Variants in MGAM observed in about 807,000 individuals in gnomAD.
MGAM encodes alpha-1,4-glucosidase.
MGAM carries 253 observed loss-of-function variants against 358.8 expected under a neutral mutation model. That is an observed-to-expected ratio of 0.71 (90% confidence interval 0.64 to 0.78). The LOEUF is 0.78. Ranked by LOEUF, MGAM falls within the 30% of genes least tolerant of loss-of-function variation. MGAM has a pLI of 0.00. For missense variants in MGAM, 3,080 were observed against 3,432.6 expected (o/e 0.90, Z 2.57); for synonymous variants, 1,105 against 1,227.1 (o/e 0.90, Z 2.08).
intron 60 of MGAM, among the ~76,000 whole-genome samples, chr7:142,093,822 A>G (rs1167440837): frequency 6.8e-6 from 1 of 146,152 alleles, no homozygotes; most frequent in Non-Finnish European, 1.5e-5. Context: ...CATCATAATG[A>G]TCACAGAGGG....
At chr7:142,102,545 C>A in intron 68 of MGAM, 85 bp from the exon 69 acceptor site, 2 of 1,251,024 alleles carry the variant, frequency 1.6e-6, no homozygotes, top group Non-Finnish European at 2.3e-6. Context: ...GACAAGTAGG[C>A]AATTAGAACA....
At chr7:142,032,562 T>C (rs1177913585) in intron 13 of MGAM, among the ~76,000 whole-genome samples, 8 of 152,158 alleles carry the variant, frequency 5.3e-5, no homozygotes, top group Admixed American at 2.0e-4. Context: ...ATCATATAAA[T>C]TGAAACTTTT....
chr7:142,039,046 C>T (rs912507470), intron 19 of MGAM, among the ~76,000 whole-genome samples: 12 of 151,116 alleles, frequency 7.9e-5, no homozygotes, highest in African/African-American at 2.9e-4. Context: ...TGAAGAGGAG[C>T]AGCGATGTCA....
intron 2 of MGAM, among the ~76,000 whole-genome samples, chr7:141,986,525 G>A (rs1281576478): frequency 2.0e-5 from 3 of 152,136 alleles, no homozygotes; most frequent in Admixed American, 6.5e-5. Flanking sequence ...GACAGAGACC[G>A]TACATGGCTG....
chr7:142,007,313 A>G (rs1200830549), intron 2 of MGAM, among the ~76,000 whole-genome samples: 4 of 152,032 alleles, frequency 2.6e-5, no homozygotes, highest in African/African-American at 9.7e-5. Flanking sequence ...TTGAATTTTT[A>G]TATCCTCAAA....
intron 24 of MGAM, among the ~76,000 whole-genome samples, chr7:142,052,010 AG>A (rs900208639): frequency 6.6e-5 from 10 of 152,156 alleles, no homozygotes; most frequent in African/African-American, 2.4e-4. Context: ...AAGAGGAGTC[AG>A]GGTAGAAAAG....
chr7:141,998,972 C>T (rs1460288825), intron 1 of MGAM, among the ~76,000 whole-genome samples: 1 of 152,102 alleles, frequency 6.6e-6, no homozygotes, highest in Non-Finnish European at 1.5e-5. Flanking sequence ...CCCCAACATT[C>T]CTCATTTACC....
rs1284903662 is a variant in MGAM at position 142,106,651 on chromosome 7, T to C, written c.*760T>C. On this transcript the variant is annotated 3_prime_UTR_variant, in exon 71 of 71. Transcript: ENST00000475668. ...ATTTTTGCAGTAGTGTGCTTTGAAA[T>C]GTGTAAATCTTATTTCTAATGTATA... 6.6e-6 allele frequency: 1 copy of C among 152,194 alleles called. No individual in the cohort carries two copies. The highest frequency in any genetic ancestry group is 1.5e-5 in the Non-Finnish European group (1 of 68,032). 9.4% of individuals were successfully genotyped at this position (152,194 alleles called of 1,614,324 possible). A position where few individuals can be genotyped will look rare whatever the true frequency, so the allele number is the denominator to read the frequency against.
chr7:142,040,261 T>A, intron 20 of MGAM, 90 bp downstream of exon 20: 4 of 1,059,496 alleles, frequency 3.8e-6, no homozygotes. Context: ...AACATCCATC[T>A]ACATGCTGAG....
rs200643345 is a variant in MGAM at position 142,082,122 on chromosome 7, A to G, written c.6083A>G (p.Tyr2028Cys). Residue 2028 changes from tyrosine (Y) to cysteine (C), a missense_variant, in exon 51 of 71, where the codon TAT (tyrosine) becomes TGT (cysteine). Around this residue, in one of 5 missense-constraint regions of MGAM, gnomAD observed 932 missense variants for 1,198.2 expected, o/e 0.78. Coordinates refer to ENST00000475668, the MANE Select transcript of MGAM (RefSeq NM_001365693.1). ...ISTRLPSKYL[Y>C]GFGETEHTSY... is the part of the protein sequence containing the mutation. ...ACCCGCCTTCCCTCCAAGTACCTCT[A>G]TGGCTTTGGGGAGACTGAGCACACG... is the stretch of plus-strand genomic sequence containing the variant. The G allele has an allele frequency of 5.4e-4, 839 of 1,555,360 alleles. 123 individuals carry two copies. The highest frequency in any genetic ancestry group is 3.8e-4 in the Admixed American group (22 of 58,388).
chr7:142,041,884 G>T (rs13246665), intron 21 of MGAM, among the ~76,000 whole-genome samples: 1 of 75,972 alleles, frequency 1.3e-5, no homozygotes, highest in African/African-American at 6.6e-5. Flanking sequence ...ATATATATAC[G>T]TATAATATAT....
At chr7:142,038,471 C>A in intron 18 of MGAM, 60 bp from the exon 19 acceptor site, 2 of 1,294,236 alleles carry the variant, frequency 1.5e-6, no homozygotes, top group Non-Finnish European at 2.2e-6. Flanking sequence ...GTGAGTAGAG[C>A]TGCTACAAAT....
chr7:142,081,142 C>T (rs1390094002), intron 50 of MGAM, among the ~76,000 whole-genome samples, 197 bp downstream of exon 50: 1 of 146,442 alleles, frequency 6.8e-6, no homozygotes, highest in Non-Finnish European at 1.5e-5. Flanking sequence ...GTTGAGCGTG[C>T]CTGAGGATTC....
chr7:142,015,146 T>C (rs1554455628), intron 3 of MGAM, among the ~76,000 whole-genome samples: 1 of 152,146 alleles, frequency 6.6e-6, no homozygotes, highest in Admixed American at 6.5e-5. Flanking sequence ...TTTTTCTGAA[T>C]ACTAATATTG....
chr7:142,103,359 A>G lies in MGAM; in HGVS notation c.8104A>G (p.Ser2702Gly), dbSNP rs368559734. The part of the protein sequence containing the change: ...LGYIEIWGVG[S>G]VPVTSVSISV... ...CTACATTGAAATCTGGGGAGTGGGC[A>G]GTGTCCCCGTTACCAGTGTCAGCAT... Residue 2702 changes from serine (S) to glycine (G), a missense_variant, in exon 70 of 71, where the codon AGT becomes GGT. Physicochemically the swap from Ser to Gly is moderately conservative, Grantham distance 56. Transcript: ENST00000475668. The G allele has an allele frequency of 4.3e-5, 70 of 1,613,164 alleles. No homozygotes were observed. The highest frequency in any genetic ancestry group is 5.7e-5 in the Non-Finnish European group (67 of 1,179,572).
intron 64 of MGAM, 196 bp from the exon 65 acceptor site, chr7:142,096,135 A>G (rs777112500): frequency 9.5e-6 from 6 of 631,284 alleles, no homozygotes; most frequent in African/African-American, 1.8e-5. Flanking sequence ...ACATCCCAGC[A>G]TTTCTGAAGT....
rs74732310 is a variant in MGAM, at chr7:142,095,205, C to T, written c.7458+342C>T. Among the ~76,000 whole-genome samples the T allele has an allele frequency of 3.3e-5, 5 of 152,162 alleles. No homozygotes were observed. In the South Asian group the frequency reaches 8.3e-4, roughly 25 times the overall value. On this transcript the variant is annotated intron_variant, in intron 63 of 70. Coordinates refer to ENST00000475668, the MANE Select transcript of MGAM (RefSeq NM_001365693.1). ...GTCTCGAACTCGTGGCCTCAGTCCC[C>T]GAAAGTGCTGGGATTACAGGCGTGA...
chr7:142,041,957 TAATATATATATATTATATATATATA>T lies in MGAM; in HGVS notation c.2498+1113_2498+1137del, dbSNP rs1563144981. 7.9e-3 allele frequency among the ~76,000 whole-genome samples: 161 copies of T among 20,414 alleles called. 6 individuals are homozygous for T. Among genetic ancestry groups the T allele is most frequent in the Admixed American group, 0.011 (9 of 804 alleles). The allele number at this position is 20,414 out of a possible 152,430, so 13.4% of individuals were successfully genotyped here. ...TATATATTATATATATACATATATA[TAATATATATATATTATATATATATA>T]ATATAATATATATATATTATATATA... On this transcript the variant is annotated intron_variant, in intron 21 of 70. Transcript: ENST00000475668.
chr7:141,998,332 G>T (rs1654164139), intron 1 of MGAM, among the ~76,000 whole-genome samples: 1 of 152,056 alleles, frequency 6.6e-6, no homozygotes, highest in Non-Finnish European at 1.5e-5. Flanking sequence ...GTGGTTTGCT[G>T]CACCTGTCAA....
Sources: allele counts gnomAD v4.1 joint callset (sites outside exome capture counted in the v4.1 genomes callset), GRCh38; gene constraint gnomAD v4.1.1; regional missense constraint gnomAD v4.1.1; transcripts MANE v1.5; gene names NCBI Gene and HGNC (gene_info 2026-07-23, HGNC 2026-07-21).